The following NEDD4L variants were observed in gnomAD, a reference collection of about 807,000 sequenced individuals.
NEDD4L encodes the protein NEDD4 like E3 ubiquitin protein ligase, also known as E3 ubiquitin-protein ligase NEDD4-like.
A neutral mutation model predicts 148.9 loss-of-function variants in NEDD4L; 54 were observed. That is an observed-to-expected ratio of 0.36 (90% CI 0.29 to 0.45). The LOEUF (loss-of-function observed/expected upper bound fraction) is 0.45. Among genes scored for constraint, NEDD4L ranks in the 20% least tolerant of loss-of-function variants. NEDD4L has a pLI of 1.00. For missense variants in NEDD4L, 856 were observed against 1,233.8 expected, an observed-to-expected ratio of 0.69 and a Z score of 4.59; for synonymous variants, 433 against 440.7, an observed-to-expected ratio of 0.98 and a Z score of 0.22.
At chr18:58,365,078 T>C (rs982601749) in intron 20 of NEDD4L, among the ~76,000 whole-genome samples, 1 of 152,148 alleles carries the variant, frequency 6.6e-6, no homozygotes, top group African/African-American at 2.4e-5. Flanking sequence ...TTGCCATCTC[T>C]CCCTGCCTCC....
At chr18:58,163,715 A>G (rs1203456733) in intron 1 of NEDD4L, among the ~76,000 whole-genome samples, 3 of 152,196 alleles carry the variant, frequency 2.0e-5, no homozygotes, top group Non-Finnish European at 4.4e-5. Flanking sequence ...TGCTTGCCAC[A>G]TGGGCAGTCT....
intron 2 of NEDD4L, among the ~76,000 whole-genome samples, chr18:58,192,444 G>T (rs2040217407): frequency 6.6e-6 from 1 of 152,178 alleles, no homozygotes; most frequent in African/African-American, 2.4e-5. Flanking sequence ...CAAAGGTTAA[G>T]ATATTAAATT....
At chr18:58,324,878 T>C in intron 8 of NEDD4L, 118 bp from the exon 9 acceptor site, 2 of 913,458 alleles carry the variant, frequency 2.2e-6, no homozygotes, top group Non-Finnish European at 3.3e-6. Context: ...CCCGAAGCCA[T>C]GGCTAGAGCC....
chr18:58,218,648 C>A (rs1310338624), intron 2 of NEDD4L, among the ~76,000 whole-genome samples: 6 of 152,168 alleles, frequency 3.9e-5, no homozygotes, highest in African/African-American at 1.4e-4. Flanking sequence ...AAGACGCCAG[C>A]AGCTTTTTCT....
intron 13 of NEDD4L, 120 bp downstream of exon 13, chr18:58,335,657 C>A: frequency 1.3e-6 from 1 of 763,926 alleles, no homozygotes; most frequent in Non-Finnish European, 2.3e-6. Flanking sequence ...TGCTACAGAG[C>A]TGCACACGTT....
At chr18:58,051,776 A>G (rs191571158) in intron 1 of NEDD4L, among the ~76,000 whole-genome samples, 55 of 152,336 alleles carry the variant, frequency 3.6e-4, no homozygotes, top group African/African-American at 1.3e-3. Flanking sequence ...AGCAAACTAT[A>G]TGTTGATCTT....
chr18:58,153,842 G>T (rs1264911747), intron 1 of NEDD4L, among the ~76,000 whole-genome samples: 1 of 152,090 alleles, frequency 6.6e-6, no homozygotes, highest in Non-Finnish European at 1.5e-5. Flanking sequence ...TAGAGACGGG[G>T]TTTCACCATG....
intron 2 of NEDD4L, among the ~76,000 whole-genome samples, chr18:58,179,035 C>T (rs1302489488): frequency 1.3e-5 from 2 of 152,156 alleles, no homozygotes; most frequent in Non-Finnish European, 2.9e-5. Context: ...TATTAAAACA[C>T]TCTCTCTGAC....
chr18:58,114,425 G>A (rs1386576466), intron 1 of NEDD4L, among the ~76,000 whole-genome samples: 1 of 151,994 alleles, frequency 6.6e-6, no homozygotes, highest in Non-Finnish European at 1.5e-5. Flanking sequence ...GTGTGCCAGG[G>A]GATCCCAAAC....
At chr18:58,098,909 G>T (rs990927875) in intron 1 of NEDD4L, among the ~76,000 whole-genome samples, 1 of 152,168 alleles carries the variant, frequency 6.6e-6, no homozygotes, top group African/African-American at 2.4e-5. Flanking sequence ...ATGTCACAGG[G>T]TTTCGTCAGT....
chr18:58,099,922 T>C (rs1029824630), intron 1 of NEDD4L, among the ~76,000 whole-genome samples: 1 of 152,176 alleles, frequency 6.6e-6, no homozygotes, highest in Non-Finnish European at 1.5e-5. Context: ...TATATTCTGC[T>C]TGCTTTACAG....
At chr18:58,232,537 G>T (rs773011375) in intron 2 of NEDD4L, among the ~76,000 whole-genome samples, 1 of 152,162 alleles carries the variant, frequency 6.6e-6, no homozygotes, top group Non-Finnish European at 1.5e-5. Flanking sequence ...GGGCCCAGGG[G>T]TTCCAAACAT....
chr18:58,056,863 G>A (rs1470380021), intron 1 of NEDD4L, among the ~76,000 whole-genome samples: 1 of 147,764 alleles, frequency 6.8e-6, no homozygotes, highest in African/African-American at 2.5e-5. Context: ...TTACAGGTGT[G>A]AGCCACCATG....
In NEDD4L at chr18:58,356,119, AT is replaced by A. The variant is rs760239489; in HGVS notation, c.1709-1064del. ...AGGCGTACACCACCACACCTGGCTA[AT>A]TTTTTTTTTTAACCTTTTGTAGAGA... On this transcript the variant is annotated intron_variant, in intron 18 of 30. Coordinates refer to ENST00000400345, the MANE Select transcript of NEDD4L (RefSeq NM_001144967.3). Among the ~76,000 whole-genome samples, 442 of 146,712 alleles carry A rather than the reference AT, an allele frequency of 3.0e-3. 3 individuals are homozygous for A. The highest frequency in any genetic ancestry group is 9.6e-3 in the African/African-American group (384 of 40,182).
chr18:58,085,154 G>A (rs1012214891), intron 1 of NEDD4L, among the ~76,000 whole-genome samples: 4 of 152,192 alleles, frequency 2.6e-5, no homozygotes, highest in Non-Finnish European at 2.9e-5. Flanking sequence ...CTGAGGTAGT[G>A]AAGGTTAAGG....
intron 2 of NEDD4L, among the ~76,000 whole-genome samples, chr18:58,228,171 G>C (rs1460049472): frequency 2.0e-5 from 3 of 152,196 alleles, no homozygotes; most frequent in Non-Finnish European, 2.9e-5. Flanking sequence ...TGTGTGACTG[G>C]AATGTGATGC....
intron 24 of NEDD4L, among the ~76,000 whole-genome samples, chr18:58,382,727 A>G (rs2048513881): frequency 6.6e-6 from 1 of 152,186 alleles, no homozygotes; most frequent in South Asian, 2.1e-4. Flanking sequence ...CGTCCAATGC[A>G]AATAAATGCC....
chr18:58,134,206 G>C (rs2032537898), intron 1 of NEDD4L, among the ~76,000 whole-genome samples: 1 of 150,072 alleles, frequency 6.7e-6, no homozygotes, highest in South Asian at 2.1e-4. Flanking sequence ...TCACCATGTT[G>C]GCCAGGCTGG....
At chr18:58,130,340 G>A (rs1418915482) in intron 1 of NEDD4L, among the ~76,000 whole-genome samples, 1 of 146,796 alleles carries the variant, frequency 6.8e-6, no homozygotes, top group East Asian at 2.1e-4. Flanking sequence ...GTCGGGCTCT[G>A]TTGGGGTTTG....
Sources: allele counts gnomAD v4.1 joint callset (sites outside exome capture counted in the v4.1 genomes callset), GRCh38; gene constraint gnomAD v4.1.1; transcripts MANE v1.5; gene names NCBI Gene and HGNC (gene_info 2026-07-23, HGNC 2026-07-21).